Variants in VTI1A observed in about 807,000 individuals in gnomAD.
VTI1A encodes vesicle transport through interaction with t-SNAREs homolog 1A.
Under a neutral mutation model 34.9 loss-of-function variants are expected in VTI1A, and 22 were observed. The observed-to-expected ratio is 0.63, with a 90% CI of 0.45 to 0.90. VTI1A has a LOEUF of 0.90. Among genes scored for constraint, VTI1A ranks in the 40% least tolerant of loss-of-function variants. The pLI, the probability that VTI1A is intolerant of heterozygous loss-of-function variation, is 0.00. For synonymous variants in VTI1A, 87 were observed against 97.3 expected (o/e 0.89, Z 0.62); for missense variants, 268 against 275.6 (o/e 0.97, Z 0.20).
At chr10:112,529,082 C>G (rs1034658149) in intron 4 of VTI1A, among the ~76,000 whole-genome samples, 20 of 152,208 alleles carry the variant, frequency 1.3e-4, no homozygotes, top group Admixed American at 3.3e-4. Context: ...ATCAAACTTA[C>G]AAATTCTGAA....
intron 5 of VTI1A, among the ~76,000 whole-genome samples, chr10:112,563,942 AT>A (rs1851815775): frequency 6.6e-6 from 1 of 152,144 alleles, no homozygotes; most frequent in Non-Finnish European, 1.5e-5. Context: ...CAAATTTAAT[AT>A]TTTAGCTTTG....
rs1589860831 is a variant in VTI1A at position 112,524,350 on chromosome 10, A to G, written c.265-2737A>G. ...TTTTCAGCATTGTTGTGTCGTGCTC[A>G]TGAGGAACTGTTTCTGATATTTGAA... On this transcript the variant is annotated intron_variant, in intron 3 of 7. Transcript: ENST00000393077. Among the ~76,000 whole-genome samples, 3 of 152,242 alleles carry G rather than the reference A, an allele frequency of 2.0e-5. No individual in the cohort carries two copies. In the Middle Eastern group the frequency reaches 0.01, roughly 518 times the overall value.
the VTI1A span, among the ~76,000 whole-genome samples, chr10:112,837,869 C>A: frequency 5.9e-5 from 9 of 152,188 alleles, no homozygotes; most frequent in Non-Finnish European, 1.2e-4. Context: ...AATGAAACCA[C>A]TTTTGGGTAA....
At chr10:112,619,880 A>G (rs1341241106) in intron 5 of VTI1A, among the ~76,000 whole-genome samples, 1 of 152,172 alleles carries the variant, frequency 6.6e-6, no homozygotes, top group Non-Finnish European at 1.5e-5. Context: ...AGGAGACACC[A>G]CCTAGGGGAG....
intron 5 of VTI1A, among the ~76,000 whole-genome samples, chr10:112,627,761 C>G (rs985628819): frequency 6.6e-6 from 1 of 152,108 alleles, no homozygotes; most frequent in South Asian, 2.1e-4. Flanking sequence ...AGTGACCAAA[C>G]TGATGAGATC....
intron 7 of VTI1A, among the ~76,000 whole-genome samples, chr10:112,764,260 A>C (rs1851576475): frequency 6.6e-6 from 1 of 152,132 alleles, no homozygotes; most frequent in Non-Finnish European, 1.5e-5. Context: ...AACCCCAATC[A>C]GTGCCTGCGG....
At position 112,668,242 on chromosome 10, in the gene VTI1A, A is replaced by G. The variant is rs1412205921; in HGVS notation, c.452A>G (p.Glu151Gly). 1.2e-6 allele frequency: 2 copies of G among 1,612,582 alleles called. No individual in the cohort carries two copies. The highest frequency in any genetic ancestry group is 1.7e-6 in the Non-Finnish European group (2 of 1,179,082). Residue 151 changes from glutamate (E) to glycine (G), a missense_variant, in exon 6 of 8, where the codon GAA becomes GGA. Physicochemically the swap from Glu to Gly is moderately conservative, Grantham distance 98. Transcript: ENST00000393077. Reference protein sequence around the residue: ...ETEQIGQEMLENLSHDREKIQ... With the variant: ...ETEQIGQEMLGNLSHDREKIQ... ...GAGCAAATTGGTCAGGAGATGTTGGAAAACCTTAGTCATGACAGAGAAAAG... is the reference window on the plus strand; with the variant it reads ...GAGCAAATTGGTCAGGAGATGTTGGGAAACCTTAGTCATGACAGAGAAAAG...
At chr10:112,587,774 G>T (rs1405360497) in intron 5 of VTI1A, among the ~76,000 whole-genome samples, 1 of 151,948 alleles carries the variant, frequency 6.6e-6, no homozygotes, top group Admixed American at 6.6e-5. Context: ...TTTCATAAAG[G>T]TTTTTTCCCC....
chr10:112,619,960 T>A (rs1845663797), intron 5 of VTI1A, among the ~76,000 whole-genome samples: 1 of 152,146 alleles, frequency 6.6e-6, no homozygotes, highest in African/African-American at 2.4e-5. Context: ...TCTCGACCCC[T>A]GGGTTGTATT....
chr10:112,779,092 G>A (rs899144128), intron 7 of VTI1A, among the ~76,000 whole-genome samples: 1 of 152,144 alleles, frequency 6.6e-6, no homozygotes, highest in Non-Finnish European at 1.5e-5. Context: ...GAAAAGGAAC[G>A]AGAGAAAGAA....
the VTI1A span, chr10:112,827,817 G>C: frequency 6.6e-6 from 1 of 152,128 alleles, no homozygotes; most frequent in Non-Finnish European, 1.5e-5. Context: ...TCAGTTCAGT[G>C]CTCTGCTACA....
chr10:112,647,755 T>A (rs944448030), intron 5 of VTI1A, among the ~76,000 whole-genome samples: 12 of 152,338 alleles, frequency 7.9e-5, no homozygotes, highest in Middle Eastern at 3.4e-3. Context: ...CTGCATTTTT[T>A]AAATTTATTT....
At chr10:112,600,390 C>T (rs1157695848) in intron 5 of VTI1A, among the ~76,000 whole-genome samples, 2 of 152,146 alleles carry the variant, frequency 1.3e-5, no homozygotes, top group Non-Finnish European at 2.9e-5. Flanking sequence ...TCCACAAGGC[C>T]TTTCATTATC....
intron 7 of VTI1A, among the ~76,000 whole-genome samples, chr10:112,761,471 G>A (rs1851461142): frequency 6.6e-6 from 1 of 152,112 alleles, no homozygotes. Context: ...TTGCTTGATT[G>A]AGTTATGATT....
intron 5 of VTI1A, among the ~76,000 whole-genome samples, chr10:112,542,076 A>G (rs1352512171): frequency 6.6e-6 from 1 of 152,126 alleles, no homozygotes; most frequent in Non-Finnish European, 1.5e-5. Context: ...TCAGGGACTT[A>G]ATACTCAAAA....
intron 7 of VTI1A, among the ~76,000 whole-genome samples, chr10:112,812,769 G>T (rs1564935477): frequency 6.6e-6 from 1 of 152,100 alleles, no homozygotes; most frequent in Non-Finnish European, 1.5e-5. Context: ...GCCCTTTCCT[G>T]CTGACACCCC....
At chr10:112,503,553 T>G (rs1258689363) in intron 3 of VTI1A, among the ~76,000 whole-genome samples, 1 of 152,238 alleles carries the variant, frequency 6.6e-6, no homozygotes, top group Non-Finnish European at 1.5e-5. Context: ...AAATCTAAAA[T>G]TAAAATTTTG....
At chr10:112,456,670 C>A (rs183741796) in intron 1 of VTI1A, among the ~76,000 whole-genome samples, 135 of 152,260 alleles carry the variant, frequency 8.9e-4, no homozygotes, top group Middle Eastern at 3.4e-3. Context: ...ACTCAATTTC[C>A]TATTGAGGAA....
intron 7 of VTI1A, among the ~76,000 whole-genome samples, chr10:112,750,382 C>T (rs538509410): frequency 1.4e-4 from 21 of 151,910 alleles, no homozygotes; most frequent in Admixed American, 1.1e-3. Context: ...TTGGTTTTCT[C>T]GTTTGCTTGT....
Sources: allele counts gnomAD v4.1 joint callset (sites outside exome capture counted in the v4.1 genomes callset), GRCh38; gene constraint gnomAD v4.1.1; transcripts MANE v1.5; gene names NCBI Gene and HGNC (gene_info 2026-07-23, HGNC 2026-07-21).